Variants in ADAMTSL1 observed in about 807,000 individuals in gnomAD.
ADAMTSL1 encodes ADAMTS-like protein 1.
A neutral mutation model predicts 201.8 loss-of-function variants in ADAMTSL1; 126 were observed. The observed-to-expected ratio is 0.62, with a 90% CI of 0.54 to 0.72. ADAMTSL1 has a LOEUF of 0.72. Among genes scored for constraint, ADAMTSL1 ranks in the 30% least tolerant of loss-of-function variants. The probability of loss-of-function intolerance (pLI) is 0.00; values close to 1 mark genes in which losing one functional copy is unlikely to be tolerated. For synonymous variants in ADAMTSL1, 1,121 were observed against 903.4 expected (o/e 1.24, Z -4.32); for missense variants, 2,679 against 2,277.8 (o/e 1.18, Z -3.59).
At chr9:18,796,006 C>T (rs959971378) in intron 20 of ADAMTSL1, among the ~76,000 whole-genome samples, 1 of 152,158 alleles carries the variant, frequency 6.6e-6, no homozygotes, top group African/African-American at 2.4e-5. Flanking sequence ...TCTGAGTCTG[C>T]TTTATTTCAT....
intron 2 of ADAMTSL1, among the ~76,000 whole-genome samples, chr9:18,428,122 T>C (rs187165151): frequency 1.5e-4 from 23 of 152,304 alleles, no homozygotes; most frequent in African/African-American, 2.9e-4. Context: ...CAATTTTGGA[T>C]CATTATATAA....
At chr9:18,403,216 C>G (rs146184890) in intron 2 of ADAMTSL1, among the ~76,000 whole-genome samples, 4,974 of 151,734 alleles carry the variant, frequency 0.033, 213 homozygotes, top group Admixed American at 0.13. Flanking sequence ...TGGAGTCTTG[C>G]CCTGTTGCCC....
chr9:18,040,694 C>G (rs193015621), intron 1 of ADAMTSL1, among the ~76,000 whole-genome samples: 2 of 152,128 alleles, frequency 1.3e-5, no homozygotes, highest in Admixed American at 6.5e-5. Flanking sequence ...CTGGAGAAAG[C>G]TTACAACCTG....
intron 2 of ADAMTSL1, among the ~76,000 whole-genome samples, chr9:18,362,987 G>T (rs1293246561): frequency 6.6e-6 from 1 of 152,182 alleles, no homozygotes; most frequent in African/African-American, 2.4e-5. Context: ...CACTGGCATG[G>T]ATATTAAACA....
rs7867106 is a variant in ADAMTSL1 at position 17,951,120 on chromosome 9, T to G, written c.87+44198T>G. ...CCATCTTCCTTGTGGGGCATCCCAT[T>G]GGATAGATGAACTCGCCTAGAGCAC... On this transcript the variant is annotated intron_variant, in intron 1 of 29. Transcript: ENST00000680146. 7.9e-5 allele frequency among the ~76,000 whole-genome samples: 12 copies of G among 152,204 alleles called. No homozygotes were observed. The South Asian group carries it at 2.3e-3, about 29-fold the overall frequency.
At chr9:18,402,789 C>G (rs555449698) in intron 2 of ADAMTSL1, among the ~76,000 whole-genome samples, 2 of 152,160 alleles carry the variant, frequency 1.3e-5, no homozygotes, top group Non-Finnish European at 2.9e-5. Flanking sequence ...CCATCCAGGG[C>G]CTGGAATTAG....
At chr9:18,571,023 A>G (rs2132339805) in intron 3 of ADAMTSL1, among the ~76,000 whole-genome samples, 1 of 152,284 alleles carries the variant, frequency 6.6e-6, no homozygotes, top group Middle Eastern at 3.4e-3. Context: ...AACAGAACCT[A>G]AAGGTCTTAA....
intron 1 of ADAMTSL1, among the ~76,000 whole-genome samples, chr9:18,150,920 A>T (rs544114515): frequency 6.6e-6 from 1 of 151,778 alleles, no homozygotes; most frequent in South Asian, 2.1e-4. Context: ...TTTTTCTGTG[A>T]AATAGGAGAC....
intron 2 of ADAMTSL1, among the ~76,000 whole-genome samples, chr9:18,174,298 C>T (rs1282187453): frequency 6.6e-6 from 1 of 152,022 alleles, no homozygotes; most frequent in Non-Finnish European, 1.5e-5. Flanking sequence ...CTAAATAGAC[C>T]ATGTCTGACT....
At position 18,104,243 on chromosome 9, in the gene ADAMTSL1, G is replaced by A. The variant is rs73420869; in HGVS notation, c.88-59619G>A. Among the ~76,000 whole-genome samples the A allele has an allele frequency of 5.1e-3, 771 of 152,140 alleles. 6 individuals are homozygous for A. Among genetic ancestry groups the A allele is most frequent in the African/African-American group, 0.018 (727 of 41,496 alleles). On this transcript the variant is annotated intron_variant, in intron 1 of 29. Coordinates refer to the ADAMTSL1 transcript ENST00000680146. ...CCTCTTCTCTGCTGAATGATCTTAC[G>A]TGATATACCACTAGCAGTGTAGTCG...
At chr9:18,289,178 TAC>T (rs1200250503) in intron 2 of ADAMTSL1, among the ~76,000 whole-genome samples, 338 of 117,224 alleles carry the variant, frequency 2.9e-3, no homozygotes, top group Middle Eastern at 0.01. Flanking sequence ...TCTATCTACC[TAC>T]CTATCTATCT....
intron 14 of ADAMTSL1, chr9:18,718,078 G>T: frequency 6.9e-7 from 1 of 1,448,562 alleles, no homozygotes; most frequent in East Asian, 2.3e-5. Flanking sequence ...CATTTATTTT[G>T]AATTTTGTAG....
At chr9:18,785,079 G>A (rs942289344) in intron 19 of ADAMTSL1, among the ~76,000 whole-genome samples, 18 of 152,142 alleles carry the variant, frequency 1.2e-4, no homozygotes, top group African/African-American at 3.4e-4. Context: ...CAGGAGAATC[G>A]CTTGAACGCA....
intron 2 of ADAMTSL1, among the ~76,000 whole-genome samples, chr9:18,214,696 T>C (rs528411171): frequency 5.3e-5 from 8 of 152,288 alleles, no homozygotes; most frequent in African/African-American, 7.2e-5. Context: ...TTTACAAAAG[T>C]TTTATTTCAT....
At chr9:18,622,143 T>G in intron 4 of ADAMTSL1, 100 bp from the exon 5 acceptor site, 1 of 1,501,042 alleles carries the variant, frequency 6.7e-7, no homozygotes, top group Non-Finnish European at 9.0e-7. Context: ...TTTAGGCCCC[T>G]CAGGGATGAA....
At chr9:18,128,162 T>G (rs1053693668) in intron 1 of ADAMTSL1, among the ~76,000 whole-genome samples, 1 of 152,204 alleles carries the variant, frequency 6.6e-6, no homozygotes, top group Non-Finnish European at 1.5e-5. Flanking sequence ...AACTCTCAAA[T>G]GCATGTGAAA....
intron 1 of ADAMTSL1, among the ~76,000 whole-genome samples, chr9:17,917,267 C>T (rs1003360052): frequency 1.3e-4 from 20 of 151,994 alleles, no homozygotes; most frequent in African/African-American, 4.6e-4. Context: ...TATGACACTA[C>T]CTTCGAACCT....
intron 15 of ADAMTSL1, among the ~76,000 whole-genome samples, chr9:18,742,582 G>A (rs1818899200): frequency 6.6e-6 from 1 of 152,158 alleles, no homozygotes; most frequent in Admixed American, 6.5e-5. Context: ...GGGAAACCTT[G>A]CTGGAAGAGG....
rs184463877 is a variant in ADAMTSL1 at position 18,221,796 on chromosome 9, T to G, written c.207+57815T>G. Among the ~76,000 whole-genome samples the G allele has an allele frequency of 1.5e-3, 230 of 152,264 alleles. 1 individual carries two copies. The highest frequency in any genetic ancestry group is 4.7e-3 in the African/African-American group (197 of 41,584). On this transcript the variant is annotated intron_variant, in intron 2 of 29. Transcript: ENST00000680146. Reference sequence around the variant, plus strand: ...CAGTGTTCTATATAAGTCCCTTAGATTAATGTTATTTTATTGGGGTTGGTG... The same window carrying G: ...CAGTGTTCTATATAAGTCCCTTAGAGTAATGTTATTTTATTGGGGTTGGTG...
Sources: gnomAD v4.1 joint callset for allele counts (sites outside exome capture counted in the v4.1 genomes callset) on GRCh38, gnomAD v4.1.1 for gene constraint, MANE v1.5 for transcripts, NCBI Gene and HGNC (gene_info 2026-07-23, HGNC 2026-07-21) for gene names.